Variants in HCN4 observed in about 807,000 individuals in gnomAD.
HCN4 encodes hyperpolarization activated cyclic nucleotide gated potassium channel 4, also known as potassium/sodium hyperpolarization-activated cyclic nucleotide-gated channel 4.
HCN4 carries 29 observed loss-of-function variants against 76.9 expected under a neutral mutation model. The ratio of observed to expected loss-of-function variants is 0.38; its 90% CI spans 0.28 to 0.51. HCN4 has a LOEUF of 0.51. Ranked by LOEUF, HCN4 falls within the 20% of genes least tolerant of loss-of-function variation. The pLI is 0.90. For synonymous variants in HCN4, 772 were observed against 762.5 expected, an observed-to-expected ratio of 1.01 and a Z score of -0.21; for missense variants, 1,416 against 1,715.2, an observed-to-expected ratio of 0.83 and a Z score of 3.08.
chr15:73,354,708 AATAT>A (rs1359041687), intron 1 of HCN4, among the ~76,000 whole-genome samples: 3 of 152,218 alleles, frequency 2.0e-5, no homozygotes, highest in Admixed American at 6.5e-5. Context: ...CAAATGAGAT[AATAT>A]TTACAATATG....
In HCN4 at chr15:73,328,653, C is replaced by T. The variant is rs1243534916; in HGVS notation, c.1590+920G>A. Among the ~76,000 whole-genome samples the T allele has an allele frequency of 6.6e-6, 1 of 152,050 alleles. No individual in the cohort carries two copies. The highest frequency in any genetic ancestry group is 1.5e-5 in the Non-Finnish European group (1 of 68,032). Reference sequence around the variant, plus strand: ...AACGGGGCCTCACGCTGTGGAGGCACAGGCCCACGCTCAAACAGAGCTCGG... The same window carrying T: ...AACGGGGCCTCACGCTGTGGAGGCATAGGCCCACGCTCAAACAGAGCTCGG... On this transcript the variant is annotated intron_variant, in intron 4 of 7. Transcript: ENST00000261917. The surrounding 1 kb of genome is among the most constrained non-coding windows in gnomAD (Gnocchi z 4.0).
At chr15:73,334,895 G>A (rs1440887040) in intron 2 of HCN4, among the ~76,000 whole-genome samples, 4 of 152,112 alleles carry the variant, frequency 2.6e-5, no homozygotes, top group Non-Finnish European at 5.9e-5. Context: ...AACCCTCGAG[G>A]TGATGGCATT....
intron 1 of HCN4, among the ~76,000 whole-genome samples, chr15:73,348,972 T>C (rs2043041172): frequency 6.6e-6 from 1 of 152,190 alleles, no homozygotes; most frequent in Admixed American, 6.5e-5. Context: ...TGGCACAGTT[T>C]GCATTTCAAT....
At chr15:73,330,793 T>C (rs1179005974) in intron 3 of HCN4, among the ~76,000 whole-genome samples, 1 of 152,190 alleles carries the variant, frequency 6.6e-6, no homozygotes, top group Non-Finnish European at 1.5e-5. Flanking sequence ...TTGGGTCTGA[T>C]GGCTCAGTCT....
intron 2 of HCN4, among the ~76,000 whole-genome samples, chr15:73,339,232 G>A (rs947171584): frequency 1.8e-4 from 27 of 152,206 alleles, no homozygotes; most frequent in African/African-American, 5.5e-4. Flanking sequence ...GGAGAGGCTC[G>A]GGAGGGAGTC....
At position 73,322,189 on chromosome 15, in the gene HCN4, C is replaced by G. The variant is rs894041932; in HGVS notation, c.*292G>C. On this transcript the variant is annotated 3_prime_UTR_variant, in exon 8 of 8. Transcript: ENST00000261917. ...GGCCACTCCCACCCCTGCCCAGCCCCGGAGACCCCATCTGCCTTTCTCTGG... is the reference window on the plus strand; with the variant it reads ...GGCCACTCCCACCCCTGCCCAGCCCGGGAGACCCCATCTGCCTTTCTCTGG... The G allele has an allele frequency of 5.0e-6, 2 of 397,356 alleles. No homozygotes were observed. The highest frequency in any genetic ancestry group is 9.5e-6 in the Non-Finnish European group (2 of 210,630). The allele number at this position is 397,356 out of a possible 1,614,324, so 24.6% of individuals were successfully genotyped here. A position where few individuals can be genotyped will look rare whatever the true frequency, so the allele number is the denominator to read the frequency against.
chr15:73,321,150 G>GTGAC lies in HCN4; in HGVS notation c.*1327_*1330dup, dbSNP rs1482284140. ...TAATTATTCCCATTTTACAAATGAG[G>GTGAC]TGACAGAAAGGTCAGATAACTTGCC... On this transcript the variant is annotated 3_prime_UTR_variant, in exon 8 of 8. Coordinates refer to ENST00000261917, the MANE Select transcript of HCN4 (RefSeq NM_005477.3). The GTGAC allele has an allele frequency of 2.6e-5, 4 of 152,168 alleles. No individual in the cohort carries two copies. Among genetic ancestry groups the GTGAC allele is most frequent in the African/African-American group, 9.7e-5 (4 of 41,426 alleles). 9.4% of individuals were successfully genotyped at this position (152,168 alleles called of 1,614,324 possible). A position where few individuals can be genotyped will look rare whatever the true frequency, so the allele number is the denominator to read the frequency against.
intron 1 of HCN4, among the ~76,000 whole-genome samples, chr15:73,357,239 C>G (rs2043085366): frequency 6.6e-6 from 1 of 152,202 alleles, no homozygotes; most frequent in African/African-American, 2.4e-5. Flanking sequence ...TAAGTCCACA[C>G]AGCTGGGCAG....
chr15:73,323,876 A>C lies in HCN4; in HGVS notation c.2217T>G (p.Asn739Lys), dbSNP rs1365771099. The change falls in exon 8 of 8, where the codon AAT (asparagine) becomes AAG (lysine). Residue 739 changes from asparagine (N) to lysine (K), a missense_variant. Asn to Lys is a moderately conservative substitution (Grantham distance 94). This residue lies in a region of HCN4 where 241 missense variants were observed against 379.4 expected (regional missense o/e 0.64). Transcript: ENST00000261917. ...GCTGCACAATCTGCTGGATGATCTC[A>C]TTCTCCTGGTAGTTGAAGACGCCGG... ...LNSGVFNYQE[N>K]EIIQQIVQHD... 3.1e-6 allele frequency: 5 copies of C among 1,604,244 alleles called. No individual in the cohort carries two copies. The highest frequency in any genetic ancestry group is 3.3e-5 in the Admixed American group (2 of 60,026).
chr15:73,363,344 C>G (rs1481557622), intron 1 of HCN4, among the ~76,000 whole-genome samples: 1 of 152,198 alleles, frequency 6.6e-6, no homozygotes, highest in East Asian at 1.9e-4. Context: ...AAACCAGTCC[C>G]AAGGGAGAAC....
At position 73,323,201 on chromosome 15, in the gene HCN4, T is replaced by A. The variant is rs1434776047; in HGVS notation, c.2892A>T (p.Ser964=). The change falls in exon 8 of 8, where the codon TCA becomes TCT. Residue 964 remains serine, a synonymous_variant. Coordinates refer to ENST00000261917, the MANE Select transcript of HCN4 (RefSeq NM_005477.3). ...LPEHFLPPPP[S]SRSPSSSPGQ... ...CGGGGCTAGATGACGGGGATCTGGA[T>A]GAGGGTGGGGGTGGCAGGAAGTGCT... The A allele has an allele frequency of 6.5e-7, 1 of 1,539,602 alleles. No individual in the cohort carries two copies.
In HCN4 at chr15:73,322,027, G is replaced by T; in HGVS notation, c.*454C>A. On this transcript the variant is annotated 3_prime_UTR_variant, in exon 8 of 8. Transcript: ENST00000261917. The stretch of plus-strand genomic sequence containing the variant: ...TTTTCTCCCAAGGTCGCAGGCTTCT[G>T]AGGCTCCCCAGGGCACACCCCAGGG... 5.1e-6 allele frequency: 1 copy of T among 195,542 alleles called. No individual in the cohort carries two copies. Among genetic ancestry groups the T allele is most frequent in the Non-Finnish European group, 1.1e-5 (1 of 94,854 alleles). 12.1% of individuals were successfully genotyped at this position (195,542 alleles called of 1,614,324 possible).
Position 73,367,546 on chromosome 15 carries a change from C to T in HCN4, c.725G>A (p.Arg242His), listed in dbSNP as rs1253627105. The change falls in exon 1 of 8, where the codon CGC becomes CAC. Residue 242 changes from arginine to histidine, a missense_variant. Physicochemically the swap from Arg to His is conservative, Grantham distance 29. Coordinates refer to ENST00000261917, the MANE Select transcript of HCN4 (RefSeq NM_005477.3). This position sits in a 1 kb window ranked among gnomAD's most constrained non-coding sequence, Gnocchi z 7.5. ...GGCCGACTTGACCCTCTCCTGTTCG[C>T]GCTCCACGGCTTTCTGGCTGCCGAA... ...RMFGSQKAVE[R>H]EQERVKSAGF... 3 of 1,613,950 alleles carry T rather than the reference C, an allele frequency of 1.9e-6. No homozygotes were observed. Among genetic ancestry groups the T allele is most frequent in the Non-Finnish European group, 1.7e-6 (2 of 1,180,018 alleles).
rs772267234 is a variant in HCN4, at chr15:73,323,552, G to A, written c.2541C>T (p.Ser847=). ...AGGATGAAGACGGTGTGTCCACCTG[G>A]GACGGGCTGCTGGCGGGCGAGGCGG... ...LGSASPASSP[S]QVDTPSSSSF... The change falls in exon 8 of 8, where the codon TCC becomes TCT. Residue 847 remains serine, a synonymous_variant. Transcript: ENST00000261917. 11 of 1,600,936 alleles carry A rather than the reference G, an allele frequency of 6.9e-6. No individual in the cohort carries two copies. Among genetic ancestry groups the A allele is most frequent in the Non-Finnish European group, 9.3e-6 (11 of 1,179,842 alleles).
chr15:73,367,930 C>T lies in HCN4; in HGVS notation c.341G>A (p.Gly114Glu), dbSNP rs754966337. 2 of 1,368,306 alleles carry T rather than the reference C, an allele frequency of 1.5e-6. No individual in the cohort carries two copies. Among genetic ancestry groups the T allele is most frequent in the South Asian group, 1.9e-5 (1 of 53,530 alleles). The allele number at this position is 1,368,306 out of a possible 1,614,324, so 84.8% of individuals were successfully genotyped here. A position where few individuals can be genotyped will look rare whatever the true frequency, so the allele number is the denominator to read the frequency against. Reference protein sequence around the residue: ...GSRGGGSGGTGSGSSHGHLHD... With the variant: ...GSRGGGSGGTESGSSHGHLHD... The stretch of plus-strand genomic sequence containing the variant: ...CAGGTGTCCGTGACTGCTGCCGCTC[C>T]CCGTGCCGCCGCTGCCGCCGCCCCG... The change falls in exon 1 of 8, where the codon GGG (glycine) becomes GAG (glutamate). Residue 114 changes from glycine to glutamate, a missense_variant. This residue lies in a region of HCN4 where 355 missense variants were observed against 347.8 expected (regional missense o/e 1.02). Coordinates refer to ENST00000261917, the MANE Select transcript of HCN4 (RefSeq NM_005477.3). This position sits in a 1 kb window ranked among gnomAD's most constrained non-coding sequence, Gnocchi z 7.5.
rs561926545 is a variant in HCN4, at chr15:73,345,065, G to A, written c.786-1257C>T. On this transcript the variant is annotated intron_variant, in intron 1 of 7. Transcript: ENST00000261917. ...TGATTCTTTACTGCAGGGAAGCCAG[G>A]AGGAAGGAAGTGGGAAAGAAAGAGA... 2.2e-4 allele frequency among the ~76,000 whole-genome samples: 34 copies of A among 152,336 alleles called. 1 individual carries two copies. Among genetic ancestry groups the A allele is most frequent in the African/African-American group, 8.2e-4 (34 of 41,576 alleles).
At chr15:73,352,160 C>T (rs944553530) in intron 1 of HCN4, among the ~76,000 whole-genome samples, 17 of 152,180 alleles carry the variant, frequency 1.1e-4, no homozygotes, top group African/African-American at 1.9e-4. Context: ...ACCTTTTATA[C>T]GGTAGGTCCT....
At chr15:73,357,480 G>A (rs1203683904) in intron 1 of HCN4, among the ~76,000 whole-genome samples, 1 of 152,104 alleles carries the variant, frequency 6.6e-6, no homozygotes, top group East Asian at 1.9e-4. Flanking sequence ...GTCTGCATGG[G>A]TCCTCACACT....
rs563936555 is a variant in HCN4, at chr15:73,327,813, CCA to C, written c.1590+1758_1590+1759del. On this transcript the variant is annotated intron_variant, in intron 4 of 7. Coordinates refer to ENST00000261917, the MANE Select transcript of HCN4 (RefSeq NM_005477.3). ...TCCACCTTCTCCTTCCTCTGCTTCC[CCA>C]CAGTGAGCTCTCCTTGCCTCCCAGC... Among the ~76,000 whole-genome samples, 351 of 152,296 alleles carry C rather than the reference CCA, an allele frequency of 2.3e-3. 2 individuals carry two copies. The highest frequency in any genetic ancestry group is 6.8e-3 in the Middle Eastern group (2 of 294).
Sources: allele counts gnomAD v4.1 joint callset (sites outside exome capture counted in the v4.1 genomes callset), GRCh38; gene constraint gnomAD v4.1.1; regional missense constraint gnomAD v4.1.1; non-coding constraint Gnocchi (gnomAD v3.1); transcripts MANE v1.5; gene names NCBI Gene and HGNC (gene_info 2026-07-23, HGNC 2026-07-21).